NRP1: variants seen among roughly 807,000 people sequenced by gnomAD.
NRP1 encodes neuropilin 1.
NRP1 carries 35 observed loss-of-function variants against 106.7 expected under a neutral mutation model. That is an observed-to-expected ratio of 0.33 (90% CI 0.25 to 0.43). The LOEUF is 0.43. NRP1 is among the 20% of genes least tolerant of loss of function. The pLI, the probability that NRP1 is intolerant of heterozygous loss-of-function variation, is 1.00. For missense variants in NRP1, 1,024 were observed against 1,170.4 expected (o/e 0.87, Z 1.83); for synonymous variants, 437 against 417.9 (o/e 1.05, Z -0.56).
chr10:33,290,231 T>A (rs1029732367), intron 2 of NRP1, among the ~76,000 whole-genome samples: 2 of 152,256 alleles, frequency 1.3e-5, no homozygotes, highest in Non-Finnish European at 2.9e-5. Flanking sequence ...CTTATCTGTC[T>A]ACAGAAGATT....
At chr10:33,232,465 C>T (rs949410329) in intron 6 of NRP1, among the ~76,000 whole-genome samples, 6 of 151,858 alleles carry the variant, frequency 4.0e-5, no homozygotes, top group South Asian at 2.1e-4. Flanking sequence ...GTGATGATGG[C>T]GGTGGGCAGG....
chr10:33,326,463 TC>T (rs1328271049), intron 2 of NRP1, among the ~76,000 whole-genome samples: 2 of 152,122 alleles, frequency 1.3e-5, no homozygotes, highest in Non-Finnish European at 2.9e-5. Context: ...AAATCAACAT[TC>T]CTTCCTCTCC....
chr10:33,312,302 AAAC>A (rs1846662328), intron 2 of NRP1, among the ~76,000 whole-genome samples: 1 of 152,254 alleles, frequency 6.6e-6, no homozygotes, highest in Admixed American at 6.5e-5. Context: ...TTCAGAAAGA[AAAC>A]AAGTTTAAAA....
At chr10:33,182,478 G>A (rs927696802) in intron 16 of NRP1, among the ~76,000 whole-genome samples, 1 of 152,066 alleles carries the variant, frequency 6.6e-6, no homozygotes, top group African/African-American at 2.4e-5. Flanking sequence ...GTACAAGCAG[G>A]ACCCGTCACC....
chr10:33,251,336 C>A (rs1841842012), intron 6 of NRP1, among the ~76,000 whole-genome samples: 1 of 152,156 alleles, frequency 6.6e-6, no homozygotes, highest in Non-Finnish European at 1.5e-5. Flanking sequence ...GTCAATTAAA[C>A]CTCTTTCCTT....
At chr10:33,212,349 A>G (rs560383435) in intron 9 of NRP1, 1 of 152,360 alleles carries the variant, frequency 6.6e-6, no homozygotes, top group East Asian at 1.9e-4. Flanking sequence ...CAGCCTTTCG[A>G]AGGATGGAAA....
intron 2 of NRP1, among the ~76,000 whole-genome samples, chr10:33,317,342 C>T (rs1847112619): frequency 6.6e-6 from 1 of 152,302 alleles, no homozygotes; most frequent in African/African-American, 2.4e-5. Flanking sequence ...AGAACCAACT[C>T]CCCTCCCTAC....
At chr10:33,267,109 C>T (rs1354442612) in intron 3 of NRP1, among the ~76,000 whole-genome samples, 1 of 152,222 alleles carries the variant, frequency 6.6e-6, no homozygotes, top group Non-Finnish European at 1.5e-5. Context: ...GCCATTGTGA[C>T]ATGTGCTTCC....
chr10:33,258,991 C>A (rs919914733), intron 4 of NRP1, among the ~76,000 whole-genome samples: 4 of 152,136 alleles, frequency 2.6e-5, no homozygotes, highest in Non-Finnish European at 5.9e-5. Flanking sequence ...ATGTTTACAG[C>A]CCTAATCCTT....
At chr10:33,324,366 G>T (rs925952978) in intron 2 of NRP1, among the ~76,000 whole-genome samples, 1 of 152,116 alleles carries the variant, frequency 6.6e-6, no homozygotes, top group Admixed American at 6.5e-5. Flanking sequence ...CTCACATTGA[G>T]AAGTCACCAG....
At chr10:33,316,708 A>C (rs898224774) in intron 2 of NRP1, among the ~76,000 whole-genome samples, 1 of 152,214 alleles carries the variant, frequency 6.6e-6, no homozygotes, top group African/African-American at 2.4e-5. Context: ...GCAGGAGAGA[A>C]GAAGGCCCCA....
chr10:33,203,722 C>CTTTTTTT (rs34343692), intron 10 of NRP1, among the ~76,000 whole-genome samples: 2 of 68,138 alleles, frequency 2.9e-5, no homozygotes, highest in African/African-American at 7.0e-5. Context: ...TCAAAGACTG[C>CTTTTTTT]TTTTTTTTTT....
intron 10 of NRP1, among the ~76,000 whole-genome samples, chr10:33,203,520 A>C (rs28417729): frequency 0.25 from 38,562 of 151,868 alleles, 5,541 homozygotes; most frequent in East Asian, 0.6. Context: ...CAAAAAAACT[A>C]AAAAAACAGT....
intron 2 of NRP1, among the ~76,000 whole-genome samples, chr10:33,302,003 G>A (rs1304352606): frequency 6.6e-6 from 1 of 151,944 alleles, no homozygotes; most frequent in Non-Finnish European, 1.5e-5. Context: ...TAAAAAGAAA[G>A]AAAAAGAGAG....
chr10:33,330,775 G>A lies in NRP1; in HGVS notation c.181C>T (p.Pro61Ser), dbSNP rs2132971525. Residue 61 changes from proline to serine, a missense_variant, in exon 2 of 17, where the codon CCG becomes TCG. Physicochemically the swap from Pro to Ser is moderately conservative, Grantham distance 74 (BLOSUM62 -1). Coordinates refer to ENST00000374867, the MANE Select transcript of NRP1 (RefSeq NM_003873.7). The stretch of plus-strand genomic sequence containing the variant: ...ATCATAATTCTCTGGTATGGGTCCG[G>A]AGCCTGAATCAGCCATTCGCATTTT... ...SEKCEWLIQA[P>S]DPYQRIMINF... is the part of the protein sequence containing the mutation. 1.2e-6 allele frequency: 2 copies of A among 1,613,908 alleles called. No individual in the cohort carries two copies. Among genetic ancestry groups the A allele is most frequent in the South Asian group, 1.1e-5 (1 of 91,042 alleles).
At chr10:33,289,765 A>G (rs1399219361) in intron 2 of NRP1, among the ~76,000 whole-genome samples, 1 of 152,220 alleles carries the variant, frequency 6.6e-6, no homozygotes, top group East Asian at 1.9e-4. Context: ...TTAGGCACCA[A>G]GCATCAAAAG....
intron 2 of NRP1, among the ~76,000 whole-genome samples, chr10:33,271,974 C>G (rs1843338520): frequency 6.6e-6 from 1 of 152,144 alleles, no homozygotes. Context: ...CTGTACTTAA[C>G]TTGGTTCAAA....
At chr10:33,260,333 G>A (rs1842488487) in intron 4 of NRP1, among the ~76,000 whole-genome samples, 1 of 151,966 alleles carries the variant, frequency 6.6e-6, no homozygotes, top group Admixed American at 6.5e-5. Flanking sequence ...GAAAAAATCT[G>A]GCATTTTATA....
intron 2 of NRP1, among the ~76,000 whole-genome samples, chr10:33,279,295 T>C (rs1843937036): frequency 6.6e-6 from 1 of 152,128 alleles, no homozygotes; most frequent in Middle Eastern, 3.2e-3. Context: ...GGGGCAGAAA[T>C]CGAGGTGTTG....
Sources: gnomAD v4.1 joint callset for allele counts (sites outside exome capture counted in the v4.1 genomes callset) on GRCh38, gnomAD v4.1.1 for gene constraint, MANE v1.5 for transcripts, NCBI Gene and HGNC (gene_info 2026-07-23, HGNC 2026-07-21) for gene names.